CTNNA2: variants seen among roughly 807,000 people sequenced by gnomAD.
CTNNA2 encodes catenin alpha 2.
Under a neutral mutation model 101.0 loss-of-function variants are expected in CTNNA2, and 42 were observed. The observed-to-expected ratio is 0.42, with a 90% CI of 0.32 to 0.54. The LOEUF (loss-of-function observed/expected upper bound fraction) is 0.54. CTNNA2 is among the 20% of genes least tolerant of loss of function. CTNNA2 has a pLI of 0.14. For synonymous variants in CTNNA2, 450 were observed against 456.4 expected (o/e 0.99, Z 0.18); for missense variants, 871 against 1,223.1 (o/e 0.71, Z 4.29).
At chr2:79,548,998 G>A (rs879319406) in intron 1 of CTNNA2, among the ~76,000 whole-genome samples, 1 of 152,190 alleles carries the variant, frequency 6.6e-6, no homozygotes, top group Admixed American at 6.5e-5. Flanking sequence ...TCATTTTGGT[G>A]AAGGTCCGTT....
At chr2:80,450,468 G>A (rs964625588) in intron 9 of CTNNA2, among the ~76,000 whole-genome samples, 6 of 152,138 alleles carry the variant, frequency 3.9e-5, no homozygotes, top group South Asian at 2.1e-4. Flanking sequence ...AGAGCATAAA[G>A]TTAACCTGTT....
intron 7 of CTNNA2, among the ~76,000 whole-genome samples, chr2:80,368,395 C>T (rs1675129688): frequency 6.6e-6 from 1 of 152,114 alleles, no homozygotes; most frequent in African/African-American, 2.4e-5. Flanking sequence ...GAAATTGTCT[C>T]ACGCTGTAAA....
intron 2 of CTNNA2, among the ~76,000 whole-genome samples, chr2:79,245,953 A>G (rs373004931): frequency 6.6e-6 from 1 of 152,178 alleles, no homozygotes; most frequent in East Asian, 1.9e-4. Context: ...GAGGCCACCA[A>G]ACCCAGCCTG....
chr2:80,154,557 A>G (rs1703897924), intron 7 of CTNNA2, among the ~76,000 whole-genome samples: 1 of 152,090 alleles, frequency 6.6e-6, no homozygotes, highest in Admixed American at 6.6e-5. Flanking sequence ...AGAAAGTCAT[A>G]CTCTATTAGG....
At chr2:79,392,197 G>A (rs890860951) in intron 4 of CTNNA2, among the ~76,000 whole-genome samples, 2 of 152,162 alleles carry the variant, frequency 1.3e-5, no homozygotes, top group African/African-American at 2.4e-5. Context: ...TGGCCAAGGT[G>A]ATGGGATTGC....
At chr2:80,134,850 A>G (rs906528765) in intron 7 of CTNNA2, among the ~76,000 whole-genome samples, 1 of 152,192 alleles carries the variant, frequency 6.6e-6, no homozygotes, top group African/African-American at 2.4e-5. Flanking sequence ...TTAATGAATA[A>G]ATGATGTTCC....
intron 3 of CTNNA2, among the ~76,000 whole-genome samples, chr2:79,836,172 C>G (rs763671448): frequency 9.2e-5 from 14 of 152,212 alleles, no homozygotes; most frequent in African/African-American, 1.2e-4. Flanking sequence ...CAATATGTCT[C>G]TCTTCCTCAC....
intron 4 of CTNNA2, among the ~76,000 whole-genome samples, chr2:79,471,905 C>T (rs187200603): frequency 8.5e-5 from 13 of 152,158 alleles, no homozygotes; most frequent in Admixed American, 7.9e-4. Flanking sequence ...TTGAATTTGA[C>T]CCTGGCCCCT....
chr2:80,267,691 G>A (rs1218667256), intron 7 of CTNNA2, among the ~76,000 whole-genome samples: 1 of 152,194 alleles, frequency 6.6e-6, no homozygotes, highest in African/African-American at 2.4e-5. Flanking sequence ...AAGTTTTTCC[G>A]GAGGAAAGCA....
intron 2 of CTNNA2, among the ~76,000 whole-genome samples, chr2:79,299,159 C>G (rs1676049326): frequency 6.6e-6 from 1 of 152,106 alleles, no homozygotes; most frequent in Non-Finnish European, 1.5e-5. Flanking sequence ...GTGGAGTAGG[C>G]AATAACCTGC....
intron 9 of CTNNA2, among the ~76,000 whole-genome samples, chr2:80,440,734 A>C (rs1217035626): frequency 6.6e-6 from 1 of 152,206 alleles, no homozygotes; most frequent in African/African-American, 2.4e-5. Flanking sequence ...AATGCTATGA[A>C]AGCATATTTG....
intron 4 of CTNNA2, among the ~76,000 whole-genome samples, chr2:79,401,776 AG>A (rs1678292945): frequency 6.6e-6 from 1 of 151,706 alleles, no homozygotes; most frequent in Admixed American, 6.6e-5. Flanking sequence ...TTAAGTTAAA[AG>A]TAAATTAAAT....
intron 7 of CTNNA2, among the ~76,000 whole-genome samples, chr2:79,995,942 C>G (rs890921346): frequency 6.6e-6 from 1 of 152,192 alleles, no homozygotes; most frequent in Non-Finnish European, 1.5e-5. Flanking sequence ...AAGAAGCTAC[C>G]TATTTTTGCT....
At chr2:79,512,928 C>G (rs1671598916), upstream of CTNNA2, 1 of 151,298 alleles carries the variant, frequency 6.6e-6, no homozygotes, top group East Asian at 2.0e-4. Context: ...GCACTGGCTG[C>G]CTCCCCTAGC....
At chr2:79,958,203 C>T (rs1283071625) in intron 7 of CTNNA2, among the ~76,000 whole-genome samples, 4 of 152,260 alleles carry the variant, frequency 2.6e-5, no homozygotes, top group South Asian at 4.1e-4. Context: ...TTCTCTGCAG[C>T]ACTTTTTTCC....
At chr2:80,555,268 T>C (rs1188395516) in intron 11 of CTNNA2, among the ~76,000 whole-genome samples, 1 of 152,266 alleles carries the variant, frequency 6.6e-6, no homozygotes, top group Non-Finnish European at 1.5e-5. Flanking sequence ...TCAGATTGAC[T>C]TCATGTTGGC....
At chr2:80,386,539 T>C (rs1677022077) in intron 7 of CTNNA2, among the ~76,000 whole-genome samples, 1 of 152,204 alleles carries the variant, frequency 6.6e-6, no homozygotes, top group Non-Finnish European at 1.5e-5. Flanking sequence ...CCTCCAAAAA[T>C]GATAGTGTGA....
intron 1 of CTNNA2, among the ~76,000 whole-genome samples, chr2:79,604,965 G>A (rs1305984807): frequency 6.6e-6 from 1 of 152,168 alleles, no homozygotes; most frequent in Non-Finnish European, 1.5e-5. Flanking sequence ...AATACACAGT[G>A]TCTGGCATCC....
chr2:80,234,225 T>A (rs141047024), intron 7 of CTNNA2, among the ~76,000 whole-genome samples: 1,641 of 152,226 alleles, frequency 0.011, 34 homozygotes, highest in African/African-American at 0.037. Flanking sequence ...AGACACAGGG[T>A]TTTGCCATGT....
Sources: gnomAD v4.1 joint callset for allele counts (sites outside exome capture counted in the v4.1 genomes callset) on GRCh38, gnomAD v4.1.1 for gene constraint, MANE v1.5 for transcripts, NCBI Gene and HGNC (gene_info 2026-07-23, HGNC 2026-07-21) for gene names.